Variants in CFAP119 observed in about 807,000 individuals in gnomAD.
The protein encoded by CFAP119 is cilia and flagella associated protein 119, also known as cilia- and flagella-associated protein 119.
the CFAP119 span, chr16:30,759,454 G>A: frequency 3.8e-5 from 62 of 1,614,136 alleles, no homozygotes; most frequent in Non-Finnish European, 5.2e-5. Context: ...GCTGAAAGGA[G>A]GCCGCTGTGG....
the CFAP119 span, chr16:30,760,825 T>G: frequency 1.4e-6 from 1 of 691,826 alleles, no homozygotes; most frequent in Non-Finnish European, 2.6e-6. Context: ...TCTCTGGGCC[T>G]AAATGAACTC....
chr16:30,759,757 CCT>C, the CFAP119 span: 2 of 1,579,838 alleles, frequency 1.3e-6, no homozygotes, highest in African/African-American at 1.4e-5. Context: ...GCAGTGAGGC[CCT>C]CTCTGGTATC....
At chr16:30,760,257 T>C in the CFAP119 span, 1 of 1,614,038 alleles carries the variant, frequency 6.2e-7, no homozygotes, top group Non-Finnish European at 8.5e-7. Flanking sequence ...TCCCTGGGGC[T>C]CAAACCTGGT....
chr16:30,761,487 C>T, the CFAP119 span: 5 of 1,531,440 alleles, frequency 3.3e-6, no homozygotes, highest in Non-Finnish European at 4.4e-6. Context: ...ACAGGTGGCG[C>T]CTGCGGGGGA....
the CFAP119 span, chr16:30,757,731 A>G: frequency 6.6e-7 from 1 of 1,507,366 alleles, no homozygotes; most frequent in Non-Finnish European, 8.8e-7. Context: ...TAGTTGGGCA[A>G]ACAGTCCCCA....
chr16:30,761,773 G>A, the CFAP119 span: 5 of 1,502,776 alleles, frequency 3.3e-6, no homozygotes, highest in Non-Finnish European at 4.4e-6. Context: ...GTGCCGCGAG[G>A]CGCCCCGGGC....
the CFAP119 span, chr16:30,760,800 A>G: frequency 8.9e-6 from 7 of 784,858 alleles, no homozygotes; most frequent in Non-Finnish European, 1.1e-5. Context: ...CTGTGTGACT[A>G]TGCAAATCGT....
the CFAP119 span, chr16:30,760,446 C>G: frequency 6.2e-7 from 1 of 1,614,084 alleles, no homozygotes; most frequent in South Asian, 1.1e-5. Flanking sequence ...AGCAGCTCAG[C>G]CAGCACCCTT....
the CFAP119 span, chr16:30,758,981 A>G: frequency 6.2e-7 from 1 of 1,613,412 alleles, no homozygotes; most frequent in Non-Finnish European, 8.5e-7. Flanking sequence ...GCTCAGAGGG[A>G]CAGGGCAGCC....
At chr16:30,761,200 C>T in the CFAP119 span, 4 of 1,614,020 alleles carry the variant, frequency 2.5e-6, no homozygotes, top group Non-Finnish European at 3.4e-6. Context: ...ACACTCACCA[C>T]ATGCAGATCC....
chr16:30,760,431 G>C, the CFAP119 span: 1 of 1,614,118 alleles, frequency 6.2e-7, no homozygotes, highest in Non-Finnish European at 8.5e-7. Context: ...GGACACCCTA[G>C]CTCCAGCAGC....
At chr16:30,761,242 A>G in the CFAP119 span, 2 of 1,613,724 alleles carry the variant, frequency 1.2e-6, no homozygotes, top group South Asian at 1.1e-5. Context: ...GCGGAAAGAA[A>G]GCGAATTGGG....
At chr16:30,758,284 G>A in the CFAP119 span, 2 of 152,750 alleles carry the variant, frequency 1.3e-5, no homozygotes, top group Non-Finnish European at 2.9e-5. Flanking sequence ...TGTTAGCCAG[G>A]ATGGACTCGA....
At chr16:30,758,912 C>T in the CFAP119 span, 1 of 1,531,474 alleles carries the variant, frequency 6.5e-7, no homozygotes, top group African/African-American at 1.4e-5. Flanking sequence ...AGAAAGGACT[C>T]TGACTAAAAA....
At chr16:30,760,287 T>C in the CFAP119 span, 1 of 1,614,120 alleles carries the variant, frequency 6.2e-7, no homozygotes, top group South Asian at 1.1e-5. Context: ...CTCTCACCAA[T>C]ACAAGCCTTG....
At chr16:30,761,675 C>T in the CFAP119 span, 2 of 1,535,768 alleles carry the variant, frequency 1.3e-6, no homozygotes, top group Non-Finnish European at 1.7e-6. Context: ...CGCTTCCCGC[C>T]GCAGCTCGGA....
the CFAP119 span, chr16:30,758,703 G>A: frequency 5.5e-5 from 20 of 366,236 alleles, no homozygotes; most frequent in African/African-American, 2.7e-4. Context: ...CTACAAGCGC[G>A]CACCACCATG....
chr16:30,759,090 T>A, the CFAP119 span: 3 of 1,614,220 alleles, frequency 1.9e-6, no homozygotes, highest in South Asian at 3.3e-5. Context: ...ATCTCCTTGC[T>A]TTCTTCTTTC....
the CFAP119 span, chr16:30,761,772 G>A: frequency 2.0e-6 from 3 of 1,503,596 alleles, no homozygotes; most frequent in Non-Finnish European, 2.7e-6. Flanking sequence ...CGTGCCGCGA[G>A]GCGCCCCGGG....
Sources: gnomAD v4.1 joint callset for allele counts on GRCh38, gnomAD v4.1.1 for gene constraint, MANE v1.5 for transcripts, NCBI Gene and HGNC (gene_info 2026-07-23, HGNC 2026-07-21) for gene names.